Variants in SPMIP2 observed in about 807,000 individuals in gnomAD.
SPMIP2 encodes sperm microtubule inner protein 2, also known as protein SPMIP2.
At chr4:159,074,630 C>T in the SPMIP2 span, among the ~76,000 whole-genome samples, 5 of 152,088 alleles carry the variant, frequency 3.3e-5, no homozygotes, top group South Asian at 6.2e-4. Context: ...AAGTGACCCA[C>T]CATGATCCTG....
chr4:158,910,279 T>C, the SPMIP2 span, among the ~76,000 whole-genome samples: 1 of 151,898 alleles, frequency 6.6e-6, no homozygotes. Flanking sequence ...ATTTTTTTTT[T>C]CCTTTTTTTT....
At chr4:158,915,340 GGACAT>G in the SPMIP2 span, 2 of 1,611,752 alleles carry the variant, frequency 1.2e-6, no homozygotes, top group South Asian at 2.2e-5. Flanking sequence ...TGCATATCCA[GGACAT>G]GAGGTTTTGG....
At chr4:159,062,508 C>A in the SPMIP2 span, among the ~76,000 whole-genome samples, 2 of 152,230 alleles carry the variant, frequency 1.3e-5, no homozygotes, top group Non-Finnish European at 2.9e-5. Flanking sequence ...AGTTTCAAAA[C>A]CCAAAGCTTC....
the SPMIP2 span, among the ~76,000 whole-genome samples, chr4:158,943,081 T>C: frequency 6.6e-6 from 1 of 152,228 alleles, no homozygotes; most frequent in Admixed American, 6.5e-5. Flanking sequence ...AACATTTAAA[T>C]ATAAAGTGAT....
chr4:159,042,149 C>A, the SPMIP2 span, among the ~76,000 whole-genome samples: 5 of 152,194 alleles, frequency 3.3e-5, no homozygotes, highest in Non-Finnish European at 7.3e-5. Context: ...CTGATTGTAT[C>A]ATTCAATCCT....
the SPMIP2 span, among the ~76,000 whole-genome samples, chr4:159,052,192 G>A: frequency 1.3e-5 from 2 of 152,084 alleles, no homozygotes; most frequent in African/African-American, 2.4e-5. Context: ...TACCTAGTTC[G>A]CACAATGTTT....
chr4:158,931,830 TGGTATTACA>T, the SPMIP2 span, among the ~76,000 whole-genome samples: 5 of 152,032 alleles, frequency 3.3e-5, no homozygotes, highest in African/African-American at 4.8e-5. Context: ...CCCAAAGTGC[TGGTATTACA>T]GGTGTGAGCC....
the SPMIP2 span, among the ~76,000 whole-genome samples, chr4:158,932,437 T>G: frequency 1.3e-5 from 2 of 152,174 alleles, no homozygotes; most frequent in Non-Finnish European, 2.9e-5. Flanking sequence ...CCACTGCTCT[T>G]CAGCCTGGGT....
chr4:158,976,377 G>T, the SPMIP2 span, among the ~76,000 whole-genome samples: 1 of 152,134 alleles, frequency 6.6e-6, no homozygotes. Context: ...TTTTCAAAGG[G>T]AATCATTCCA....
chr4:159,056,961 A>G, the SPMIP2 span, among the ~76,000 whole-genome samples: 1 of 152,234 alleles, frequency 6.6e-6, no homozygotes. Context: ...ACAGATAAGC[A>G]AAGTGAAAGG....
chr4:159,012,261 T>A, the SPMIP2 span, among the ~76,000 whole-genome samples: 5 of 152,140 alleles, frequency 3.3e-5, no homozygotes, highest in Non-Finnish European at 5.9e-5. Flanking sequence ...TTTTAAGATA[T>A]CTTACTTAGC....
chr4:159,044,368 CAA>C, the SPMIP2 span, among the ~76,000 whole-genome samples: 8 of 100,282 alleles, frequency 8.0e-5, no homozygotes, highest in Non-Finnish European at 1.5e-4. Context: ...GACTCCATCT[CAA>C]AAAAAAAAAA....
the SPMIP2 span, among the ~76,000 whole-genome samples, chr4:159,081,572 T>G: frequency 6.6e-6 from 1 of 151,818 alleles, no homozygotes; most frequent in South Asian, 2.1e-4. Flanking sequence ...ACTCCTGCAG[T>G]CCTAGCTACT....
the SPMIP2 span, among the ~76,000 whole-genome samples, chr4:158,956,066 A>G: frequency 1.4e-5 from 2 of 142,178 alleles, no homozygotes; most frequent in Non-Finnish European, 1.6e-5. Flanking sequence ...CTTGCATTAA[A>G]CTCTTCCTCT....
chr4:158,980,095 C>T, the SPMIP2 span, among the ~76,000 whole-genome samples: 7 of 152,224 alleles, frequency 4.6e-5, no homozygotes, highest in East Asian at 3.9e-4. Flanking sequence ...CTGGGAATTT[C>T]GAACTGAGCA....
At chr4:159,051,894 C>T in the SPMIP2 span, among the ~76,000 whole-genome samples, 1 of 152,090 alleles carries the variant, frequency 6.6e-6, no homozygotes, top group Non-Finnish European at 1.5e-5. Flanking sequence ...AGAGTGCTGT[C>T]AGCTCCTGCG....
chr4:159,011,277 T>TA, the SPMIP2 span, among the ~76,000 whole-genome samples: 3 of 152,228 alleles, frequency 2.0e-5, no homozygotes, highest in African/African-American at 7.2e-5. Context: ...ATTTGAAATA[T>TA]AAATCCCCAT....
At chr4:158,984,057 C>T in the SPMIP2 span, among the ~76,000 whole-genome samples, 3 of 123,240 alleles carry the variant, frequency 2.4e-5, no homozygotes, top group East Asian at 2.4e-4. Flanking sequence ...AAGGCCATTA[C>T]ATAATGGTAA....
the SPMIP2 span, among the ~76,000 whole-genome samples, chr4:159,066,419 G>A: frequency 5.3e-5 from 8 of 151,988 alleles, 1 homozygote; most frequent in Admixed American, 3.3e-4. Context: ...CTGGGCTCAC[G>A]CAAGACAGAG....
Sources: allele counts gnomAD v4.1 joint callset (sites outside exome capture counted in the v4.1 genomes callset), GRCh38; gene constraint gnomAD v4.1.1; transcripts MANE v1.5; gene names NCBI Gene and HGNC (gene_info 2026-07-23, HGNC 2026-07-21).